Variants in CDC42BPA observed in about 807,000 individuals in gnomAD.
CDC42BPA encodes serine/threonine-protein kinase MRCK alpha.
A neutral mutation model predicts 223.5 loss-of-function variants in CDC42BPA; 80 were observed. The ratio of observed to expected loss-of-function variants is 0.36; its 90% CI spans 0.30 to 0.43. The LOEUF is 0.43. Ranked by LOEUF, CDC42BPA falls within the 20% of genes least tolerant of loss-of-function variation. The pLI is 1.00. For missense variants in CDC42BPA, 1,743 were observed against 2,099.9 expected (o/e 0.83, Z 3.32); for synonymous variants, 694 against 718.6 (o/e 0.97, Z 0.55).
intron 1 of CDC42BPA, among the ~76,000 whole-genome samples, chr1:227,272,702 T>G (rs1446885686): frequency 6.6e-6 from 1 of 152,230 alleles, no homozygotes; most frequent in African/African-American, 2.4e-5. Context: ...ATTACAGATG[T>G]GAGCTACTGC....
At chr1:227,040,503 T>C (rs903490860) in intron 23 of CDC42BPA, among the ~76,000 whole-genome samples, 1 of 152,150 alleles carries the variant, frequency 6.6e-6, no homozygotes, top group African/African-American at 2.4e-5. Context: ...AACAATAGCT[T>C]TTTTGGGGGG....
At chr1:227,058,641 C>T (rs923569213) in intron 21 of CDC42BPA, among the ~76,000 whole-genome samples, 11 of 151,876 alleles carry the variant, frequency 7.2e-5, no homozygotes, top group African/African-American at 2.4e-4. Context: ...AATTCCATCT[C>T]TGGGCATGTC....
intron 1 of CDC42BPA, among the ~76,000 whole-genome samples, chr1:227,302,636 C>A (rs137871040): frequency 5.7e-4 from 86 of 152,204 alleles, no homozygotes; most frequent in Admixed American, 2.4e-3. Flanking sequence ...ACTTGGTAGG[C>A]CCCTTCTATC....
chr1:226,996,418 C>T (rs1255575992), intron 35 of CDC42BPA, among the ~76,000 whole-genome samples: 1 of 152,164 alleles, frequency 6.6e-6, no homozygotes, highest in African/African-American at 2.4e-5. Flanking sequence ...CAGACAGAGA[C>T]AATTTGACTT....
intron 17 of CDC42BPA, among the ~76,000 whole-genome samples, chr1:227,078,519 T>C (rs1249653152): frequency 6.6e-6 from 1 of 152,132 alleles, no homozygotes; most frequent in African/African-American, 2.4e-5. Context: ...CTTTGTAATA[T>C]TATTTCAAAG....
chr1:227,069,709 G>A (rs1271310903), intron 21 of CDC42BPA, 68 bp downstream of exon 21: 5 of 1,143,672 alleles, frequency 4.4e-6, no homozygotes, highest in South Asian at 4.0e-5. Flanking sequence ...TTTATTATAA[G>A]TGAACTTTAA....
chr1:227,123,704 C>T (rs181775281), intron 11 of CDC42BPA, among the ~76,000 whole-genome samples: 1 of 152,260 alleles, frequency 6.6e-6, no homozygotes, highest in African/African-American at 2.4e-5. Flanking sequence ...AAAACATCTC[C>T]CTGATCCACA....
chr1:227,178,787 G>A (rs1667404733), intron 5 of CDC42BPA, among the ~76,000 whole-genome samples: 1 of 152,188 alleles, frequency 6.6e-6, no homozygotes, highest in Non-Finnish European at 1.5e-5. Flanking sequence ...GAGCCACCAG[G>A]CCTGGCCAGA....
chr1:227,197,444 A>C (rs1007440640), intron 4 of CDC42BPA, among the ~76,000 whole-genome samples: 1 of 152,172 alleles, frequency 6.6e-6, no homozygotes, highest in African/African-American at 2.4e-5. Flanking sequence ...TTACGTCTTT[A>C]ATTCTATTTT....
At chr1:227,035,683 C>G in intron 24 of CDC42BPA, 76 bp from the exon 25 acceptor site, 1 of 1,029,650 alleles carries the variant, frequency 9.7e-7, no homozygotes, top group South Asian at 1.8e-5. Context: ...TCACTGCATA[C>G]AAGATGCTAT....
intron 3 of CDC42BPA, among the ~76,000 whole-genome samples, chr1:227,210,464 C>G (rs1673680264): frequency 6.6e-6 from 1 of 152,094 alleles, no homozygotes; most frequent in Non-Finnish European, 1.5e-5. Flanking sequence ...CTATACTTCA[C>G]AGGAGAACAG....
intron 3 of CDC42BPA, among the ~76,000 whole-genome samples, chr1:227,207,515 C>CA (rs1291276009): frequency 1.4e-4 from 14 of 102,404 alleles, no homozygotes; most frequent in African/African-American, 4.9e-4. Context: ...TCCCTCCCCC[C>CA]TCCCCCCACC....
intron 2 of CDC42BPA, among the ~76,000 whole-genome samples, chr1:227,253,240 A>AAGAGCGAGAG (rs1682360293): frequency 7.0e-6 from 1 of 143,080 alleles, no homozygotes; most frequent in South Asian, 2.2e-4. Context: ...GAGAGAGAGA[A>AAGAGCGAGAG]AGAGAGCGAG....
chr1:227,171,085 C>G (rs556324928), intron 5 of CDC42BPA, among the ~76,000 whole-genome samples: 1 of 152,218 alleles, frequency 6.6e-6, no homozygotes, highest in East Asian at 1.9e-4. Context: ...AAGGAAAGTT[C>G]AGGTAAAACA....
intron 35 of CDC42BPA, among the ~76,000 whole-genome samples, chr1:227,001,146 G>A (rs1189226156): frequency 6.6e-6 from 1 of 152,198 alleles, no homozygotes; most frequent in Non-Finnish European, 1.5e-5. Flanking sequence ...CGTTGAGTCT[G>A]GCTGTGGAAG....
intron 5 of CDC42BPA, among the ~76,000 whole-genome samples, chr1:227,184,472 AT>A (rs140878133): frequency 0.03 from 4,547 of 152,222 alleles, 200 homozygotes; most frequent in African/African-American, 0.1. Flanking sequence ...TCAGTTGAAA[AT>A]ACCTCTGTTA....
intron 19 of CDC42BPA, among the ~76,000 whole-genome samples, chr1:227,072,666 G>A (rs1232867687): frequency 6.6e-6 from 1 of 151,886 alleles, no homozygotes; most frequent in Non-Finnish European, 1.5e-5. Flanking sequence ...CAAAATCAAA[G>A]GTTAATTTTA....
At chr1:227,264,227 T>C (rs1301739262) in intron 1 of CDC42BPA, among the ~76,000 whole-genome samples, 9 of 152,238 alleles carry the variant, frequency 5.9e-5, no homozygotes, top group Non-Finnish European at 8.8e-5. Flanking sequence ...AATTCATTTT[T>C]GGTCAAGTTA....
In CDC42BPA at chr1:227,061,698, T is replaced by C. The variant is rs114566088; in HGVS notation, c.2904+8079A>G. 4.0e-3 allele frequency among the ~76,000 whole-genome samples: 611 copies of C among 152,352 alleles called. 1 individual carries two copies. The highest frequency in any genetic ancestry group is 0.014 in the African/African-American group (565 of 41,578). Reference sequence around the variant, plus strand: ...CCCTCCTTAAAATTATCTGCTCTTCTAGTTTTTCTGACAGGTACTTTCCTA... The same window carrying C: ...CCCTCCTTAAAATTATCTGCTCTTCCAGTTTTTCTGACAGGTACTTTCCTA... On this transcript the variant is annotated intron_variant, in intron 21 of 36. Transcript: ENST00000366766.
Sources: gnomAD v4.1 joint callset for allele counts (sites outside exome capture counted in the v4.1 genomes callset) on GRCh38, gnomAD v4.1.1 for gene constraint, MANE v1.5 for transcripts, NCBI Gene and HGNC (gene_info 2026-07-23, HGNC 2026-07-21) for gene names.